FIG4: variants seen among roughly 807,000 people sequenced by gnomAD.
The protein encoded by FIG4 is FIG4 phosphoinositide 5-phosphatase.
A neutral mutation model predicts 118.6 loss-of-function variants in FIG4; 112 were observed. That is an observed-to-expected ratio of 0.94 (90% CI 0.81 to 1.11). The LOEUF is 1.11. Among genes scored for constraint, FIG4 ranks in the 50% least tolerant of loss-of-function variants. The probability of loss-of-function intolerance (pLI) is 0.00; values close to 1 mark genes in which losing one functional copy is unlikely to be tolerated. For missense variants in FIG4, 969 were observed against 1,111.7 expected, an observed-to-expected ratio of 0.87 and a Z score of 1.83; for synonymous variants, 369 against 381.2, an observed-to-expected ratio of 0.97 and a Z score of 0.37.
At chr6:109,821,610 G>T (rs1779007561) in intron 22 of FIG4, among the ~76,000 whole-genome samples, 1 of 152,310 alleles carries the variant, frequency 6.6e-6, no homozygotes, top group South Asian at 2.1e-4. Context: ...TGGGTTACTG[G>T]ATCTAGGCAT....
At chr6:109,752,492 C>T (rs1286868805) in intron 10 of FIG4, among the ~76,000 whole-genome samples, 1 of 151,880 alleles carries the variant, frequency 6.6e-6, no homozygotes, top group Admixed American at 6.6e-5. Context: ...ACATCCTCTC[C>T]AGTACCTGTT....
At chr6:109,791,291 C>A in intron 19 of FIG4, 85 bp from the exon 20 acceptor site, 1 of 1,158,264 alleles carries the variant, frequency 8.6e-7, no homozygotes, top group Non-Finnish European at 1.3e-6. Context: ...CTTCACTAGG[C>A]CTAAGGCTTT....
intron 22 of FIG4, among the ~76,000 whole-genome samples, chr6:109,821,840 C>T (rs943489015): frequency 6.6e-6 from 1 of 152,162 alleles, no homozygotes; most frequent in Non-Finnish European, 1.5e-5. Context: ...CTGAGGGAAA[C>T]TCTACAACCC....
intron 22 of FIG4, among the ~76,000 whole-genome samples, chr6:109,797,788 C>T (rs1014611158): frequency 6.6e-6 from 1 of 151,118 alleles, no homozygotes; most frequent in Non-Finnish European, 1.5e-5. Context: ...TCCAGATACT[C>T]AGGAGGTGGA....
At position 109,766,672 on chromosome 6, in the gene FIG4, G is replaced by A. The variant is rs979468177; in HGVS notation, c.1584-57G>A. ...AGACTTGTTTGGAGTTTGGCTAAGTGAATAACTTGTGCTTTGATTTTGGTG... is the reference window on the plus strand; with the variant it reads ...AGACTTGTTTGGAGTTTGGCTAAGTAAATAACTTGTGCTTTGATTTTGGTG... On this transcript the variant is annotated intron_variant, in intron 14 of 22. Transcript: ENST00000230124. 4.7e-6 allele frequency: 7 copies of A among 1,493,774 alleles called. No individual in the cohort carries two copies. The African/African-American group carries it at 9.6e-5, about 21-fold the overall frequency. The allele number at this position is 1,493,774 out of a possible 1,614,324, so 92.5% of individuals were successfully genotyped here.
intron 7 of FIG4, among the ~76,000 whole-genome samples, chr6:109,741,183 G>A (rs1046169639): frequency 1.3e-5 from 2 of 152,156 alleles, no homozygotes; most frequent in Non-Finnish European, 2.9e-5. Context: ...TCCTTGGCCA[G>A]TAACCCTACA....
intron 13 of FIG4, 25 bp downstream of exon 13, chr6:109,764,007 A>G (rs762229156): frequency 6.7e-7 from 1 of 1,491,994 alleles, no homozygotes. Context: ...ACAATTCGTA[A>G]TGAATAGAAT....
intron 16 of FIG4, among the ~76,000 whole-genome samples, chr6:109,784,380 C>G (rs1428276148): frequency 6.6e-6 from 1 of 152,192 alleles, no homozygotes; most frequent in Non-Finnish European, 1.5e-5. Flanking sequence ...CTTCTGTAAT[C>G]AAGTAGCACA....
At chr6:109,751,151 T>A (rs1265706918) in intron 10 of FIG4, among the ~76,000 whole-genome samples, 1 of 152,218 alleles carries the variant, frequency 6.6e-6, no homozygotes, top group African/African-American at 2.4e-5. Context: ...AATAGTGCCT[T>A]AACACCATTT....
chr6:109,764,935 C>G (rs1309656949), intron 13 of FIG4, 78 bp from the exon 14 acceptor site: 54 of 988,606 alleles, frequency 5.5e-5, no homozygotes, highest in Non-Finnish European at 7.3e-5. Flanking sequence ...GTTTTTGTTT[C>G]TTAAAGAAAT....
chr6:109,776,948 C>G lies in FIG4; in HGVS notation c.1777C>G (p.Leu593Val). The change falls in exon 16 of 23, where the codon CTC becomes GTC. Residue 593 changes from leucine (L) to valine (V), a missense_variant. Transcript: ENST00000230124. The stretch of plus-strand genomic sequence containing the variant: ...TGCCGATAGACAAGATTCCATTAAT[C>G]TCTTCCTGGGAGTTTTCCATCCCAC... The part of the protein sequence containing the change: ...SDADRQDSIN[L>V]FLGVFHPTEG... The G allele has an allele frequency of 6.2e-7, 1 of 1,613,526 alleles. No individual in the cohort carries two copies. Among genetic ancestry groups the G allele is most frequent in the East Asian group, 2.2e-5 (1 of 44,840 alleles).
chr6:109,750,825 T>C (rs1000885727), intron 10 of FIG4, among the ~76,000 whole-genome samples: 1 of 152,166 alleles, frequency 6.6e-6, no homozygotes, highest in African/African-American at 2.4e-5. Context: ...ACATTTCCTC[T>C]CCATCCCACG....
At chr6:109,701,673 G>T in intron 1 of FIG4, 1 of 471,126 alleles carries the variant, frequency 2.1e-6, no homozygotes, top group Non-Finnish European at 4.4e-6. Flanking sequence ...ATTTAAGGAA[G>T]CTCCCTCCCA....
chr6:109,747,102 G>T (rs1196430467), intron 10 of FIG4, among the ~76,000 whole-genome samples: 2 of 152,096 alleles, frequency 1.3e-5, no homozygotes, highest in Admixed American at 1.3e-4. Context: ...CTCTACACTT[G>T]TTCTTAGCCA....
chr6:109,732,524 C>T, intron 4 of FIG4, 113 bp from the exon 5 acceptor site: 1 of 684,008 alleles, frequency 1.5e-6, no homozygotes, highest in Non-Finnish European at 2.6e-6. Flanking sequence ...GGTTTGAATT[C>T]CTCAGCTTTA....
At chr6:109,744,001 G>A in intron 10 of FIG4, among the ~76,000 whole-genome samples, 1 of 152,038 alleles carries the variant, frequency 6.6e-6, no homozygotes, top group Non-Finnish European at 1.5e-5. Context: ...ATATCTAAGG[G>A]AGTAGAGTGA....
intron 1 of FIG4, among the ~76,000 whole-genome samples, chr6:109,707,279 G>GTGTATATA (rs1554298616): frequency 2.8e-5 from 4 of 145,430 alleles, no homozygotes; most frequent in African/African-American, 1.0e-4. Context: ...GTGTGTGTGT[G>GTGTATATA]TATATATATA....
intron 22 of FIG4, among the ~76,000 whole-genome samples, chr6:109,817,722 G>T (rs1159854300): frequency 2.0e-5 from 3 of 152,164 alleles, no homozygotes; most frequent in Non-Finnish European, 4.4e-5. Flanking sequence ...AAACATACAT[G>T]TGCTCAGCTG....
chr6:109,764,105 AT>A, intron 13 of FIG4, 123 bp downstream of exon 13: 2 of 704,454 alleles, frequency 2.8e-6, no homozygotes, highest in Non-Finnish European at 4.9e-6. Context: ...TTTGAGAATG[AT>A]TGTTAAAAGC....
Sources: gnomAD v4.1 joint callset for allele counts (sites outside exome capture counted in the v4.1 genomes callset) on GRCh38, gnomAD v4.1.1 for gene constraint, MANE v1.5 for transcripts, NCBI Gene and HGNC (gene_info 2026-07-23, HGNC 2026-07-21) for gene names.